The following OR52N2 variants were observed in gnomAD, a reference collection of about 807,000 sequenced individuals.
The protein encoded by OR52N2 is olfactory receptor 52N2.
For synonymous variants in OR52N2, 129 were observed against 72.0 expected (o/e 1.79, Z -4.01); for missense variants, 326 against 196.6 (o/e 1.66, Z -3.94).
At chr11:5,814,107 G>T (rs1846384012) in intron 1 of OR52N2, among the ~76,000 whole-genome samples, 2 of 152,112 alleles carry the variant, frequency 1.3e-5, no homozygotes, top group African/African-American at 4.8e-5. Flanking sequence ...CAAGACATAG[G>T]TATCCTCTTT....
At chr11:5,816,545 C>CTTTTTTTTTTTTTTTT (rs1464421774) in intron 1 of OR52N2, among the ~76,000 whole-genome samples, 38 of 150,672 alleles carry the variant, frequency 2.5e-4, no homozygotes, top group African/African-American at 3.9e-4. Context: ...TGATCTAAAT[C>CTTTTTTTTTTTTTTTT]TTCTTTTTTT....
At chr11:5,817,816 T>A (rs2134243095) in intron 1 of OR52N2, among the ~76,000 whole-genome samples, 1 of 152,268 alleles carries the variant, frequency 6.6e-6, no homozygotes, top group Non-Finnish European at 1.5e-5. Context: ...ACAGAGTGGA[T>A]TAAGATATTC....
In OR52N2 at chr11:5,821,389, C is replaced by T; in HGVS notation, c.*88C>T. On this transcript the variant is annotated 3_prime_UTR_variant, in exon 2 of 2. Coordinates refer to ENST00000317037, the MANE Select transcript of OR52N2 (RefSeq NM_001005174.3). ...GATGTGAATAAAATGGTATTAAAAT[C>T]ATGACATGTAATTTACCCATGTAAC... 3.1e-6 allele frequency: 2 copies of T among 651,786 alleles called. No individual in the cohort carries two copies. Among genetic ancestry groups the T allele is most frequent in the East Asian group, 2.5e-5 (1 of 39,616 alleles). The allele number at this position is 651,786 out of a possible 1,614,324, so 40.4% of individuals were successfully genotyped here.
intron 1 of OR52N2, among the ~76,000 whole-genome samples, chr11:5,811,931 T>C (rs11039121): frequency 0.11 from 16,348 of 152,176 alleles, 1,102 homozygotes; most frequent in East Asian, 0.25. Context: ...TATATGTATA[T>C]TGGCTAAAAT....
At chr11:5,815,487 G>C (rs1448803093) in intron 1 of OR52N2, among the ~76,000 whole-genome samples, 6 of 152,012 alleles carry the variant, frequency 3.9e-5, no homozygotes, top group Admixed American at 3.3e-4. Context: ...CTGGACATCA[G>C]TAATCATTAG....
chr11:5,811,005 T>G (rs750776358), intron 1 of OR52N2, among the ~76,000 whole-genome samples: 28 of 151,768 alleles, frequency 1.8e-4, no homozygotes, highest in Non-Finnish European at 2.2e-4. Context: ...GAGAAAATAA[T>G]TTTTGAAAAA....
Position 5,820,482 on chromosome 11 carries a change from C to T in OR52N2, c.147C>T (p.Cys49=), listed in dbSNP as rs1182522098. ...TCGTGGGGAACTGTGGGCTCATCTG[C>T]CTCATCAGCCATGAGGAGGCCCTGC... ...IAVVGNCGLI[C]LISHEEALHR... The change falls in exon 2 of 2, where the codon TGC becomes TGT. Residue 49 remains cysteine (C), a synonymous_variant. Coordinates refer to ENST00000317037, the MANE Select transcript of OR52N2 (RefSeq NM_001005174.3). 2.6e-6 allele frequency: 2 copies of T among 778,900 alleles called. No homozygotes were observed. Among genetic ancestry groups the T allele is most frequent in the East Asian group, 4.8e-5 (2 of 41,238 alleles). 48.2% of individuals were successfully genotyped at this position (778,900 alleles called of 1,614,324 possible).
intron 1 of OR52N2, among the ~76,000 whole-genome samples, chr11:5,819,135 T>C (rs1012684877): frequency 6.6e-6 from 1 of 152,158 alleles, no homozygotes; most frequent in Non-Finnish European, 1.5e-5. Flanking sequence ...TTCTGCTAGA[T>C]AGTGAGGAAT....
chr11:5,818,421 T>A (rs957689153), intron 1 of OR52N2, among the ~76,000 whole-genome samples: 1 of 152,026 alleles, frequency 6.6e-6, no homozygotes, highest in Admixed American at 6.6e-5. Context: ...GCCTGGGGCA[T>A]CTTGTTGGAA....
chr11:5,820,168 G>A lies in OR52N2; in HGVS notation c.-54-114G>A, dbSNP rs1036871195. 33 of 650,020 alleles carry A rather than the reference G, an allele frequency of 5.1e-5. No individual in the cohort carries two copies. The South Asian group carries it at 5.8e-4, about 11-fold the overall frequency. The allele number at this position is 650,020 out of a possible 1,614,324, so 40.3% of individuals were successfully genotyped here. A position where few individuals can be genotyped will look rare whatever the true frequency, so the allele number is the denominator to read the frequency against. On this transcript the variant is annotated intron_variant, in intron 1 of 1. Coordinates refer to ENST00000317037, the MANE Select transcript of OR52N2 (RefSeq NM_001005174.3). Reference sequence around the variant, plus strand: ...TTCAAAGTCTTTCTTGCTATAGTTGGAAGAAAGAATTTCTGGTTATCAATG... The same window carrying A: ...TTCAAAGTCTTTCTTGCTATAGTTGAAAGAAAGAATTTCTGGTTATCAATG...
chr11:5,810,964 T>A (rs1033839542), intron 1 of OR52N2, among the ~76,000 whole-genome samples: 1 of 151,910 alleles, frequency 6.6e-6, no homozygotes, highest in African/African-American at 2.4e-5. Flanking sequence ...TACTTGGAGA[T>A]AAAAATTTTT....
intron 1 of OR52N2, among the ~76,000 whole-genome samples, chr11:5,815,358 T>C (rs1846395888): frequency 6.6e-6 from 1 of 152,044 alleles, no homozygotes; most frequent in Admixed American, 6.5e-5. Context: ...CCAAAATATA[T>C]ATAGAGCTCC....
rs111491475 is a variant in OR52N2 at position 5,817,483 on chromosome 11, T to C, written c.-54-2799T>C. On this transcript the variant is annotated intron_variant, in intron 1 of 1. Coordinates refer to ENST00000317037, the MANE Select transcript of OR52N2 (RefSeq NM_001005174.3). ...CAATGAAGATGGACAAGGAGGTGGA[T>C]GACTAATAAATATACAAAAAAAGTT... Among the ~76,000 whole-genome samples, 570 of 152,272 alleles carry C rather than the reference T, an allele frequency of 3.7e-3. 1 individual carries two copies. Among genetic ancestry groups the C allele is most frequent in the African/African-American group, 0.012 (503 of 41,570 alleles).
At position 5,821,159 on chromosome 11, in the gene OR52N2, T is replaced by A. The variant is rs775642504; in HGVS notation, c.824T>A (p.Ile275Lys). Reference sequence around the variant, plus strand: ...GTAGGACACAATATCCCAAACCACATACACATCATCGTGGCCAACCTTTAT... The same window carrying A: ...GTAGGACACAATATCCCAAACCACAAACACATCATCGTGGCCAACCTTTAT... Reference protein sequence around the residue: ...RFVGHNIPNHIHIIVANLYLL... With the variant: ...RFVGHNIPNHKHIIVANLYLL... The change falls in exon 2 of 2, where the codon ATA (isoleucine) becomes AAA (lysine). Residue 275 changes from isoleucine to lysine, a missense_variant. By Grantham distance (102) the Ile-to-Lys change is moderately radical (BLOSUM62 -3). Coordinates refer to ENST00000317037, the MANE Select transcript of OR52N2 (RefSeq NM_001005174.3). The A allele has an allele frequency of 3.8e-6, 3 of 781,042 alleles. No individual in the cohort carries two copies. In the East Asian group the frequency reaches 7.3e-5, roughly 19 times the overall value. 48.4% of individuals were successfully genotyped at this position (781,042 alleles called of 1,614,324 possible). A position where few individuals can be genotyped will look rare whatever the true frequency, so the allele number is the denominator to read the frequency against.
At chr11:5,817,519 G>A (rs1590367317) in intron 1 of OR52N2, among the ~76,000 whole-genome samples, 1 of 151,930 alleles carries the variant, frequency 6.6e-6, no homozygotes, top group Non-Finnish European at 1.5e-5. Flanking sequence ...GACCAAGAAC[G>A]CTTGAAAAAA....
intron 1 of OR52N2, among the ~76,000 whole-genome samples, chr11:5,815,790 A>G (rs1004403974): frequency 9.2e-5 from 14 of 152,162 alleles, no homozygotes; most frequent in Non-Finnish European, 1.9e-4. Context: ...CGTTCATTGC[A>G]GCATTATTCA....
chr11:5,817,167 G>A (rs575556183), intron 1 of OR52N2, among the ~76,000 whole-genome samples: 4 of 152,114 alleles, frequency 2.6e-5, no homozygotes, highest in African/African-American at 9.7e-5. Context: ...GGTTTTAATA[G>A]CATTTACTTC....
intron 1 of OR52N2, among the ~76,000 whole-genome samples, chr11:5,814,354 C>CAACA (rs3072137): frequency 0.93 from 141,673 of 151,920 alleles, 66,227 homozygotes; most frequent in Middle Eastern, 0.98. Context: ...TATACGTTAA[C>CAACA]AACAATCTGA....
intron 1 of OR52N2, among the ~76,000 whole-genome samples, chr11:5,813,012 G>A (rs35990969): frequency 0.11 from 16,291 of 151,792 alleles, 1,093 homozygotes; most frequent in East Asian, 0.25. Context: ...TAATATATTG[G>A]TACTAATGGA....
Sources: gnomAD v4.1 joint callset for allele counts (sites outside exome capture counted in the v4.1 genomes callset) on GRCh38, gnomAD v4.1.1 for gene constraint, MANE v1.5 for transcripts, NCBI Gene and HGNC (gene_info 2026-07-23, HGNC 2026-07-21) for gene names.